XRCC4: variants seen among roughly 807,000 people sequenced by gnomAD.
XRCC4 encodes X-ray repair cross complementing 4.
XRCC4 carries 28 observed loss-of-function variants against 39.1 expected under a neutral mutation model. The observed-to-expected ratio is 0.72, with a 90% CI of 0.53 to 0.98. XRCC4 has a LOEUF of 0.98. Among genes scored for constraint, XRCC4 ranks in the 50% least tolerant of loss-of-function variants. The probability of loss-of-function intolerance (pLI) is 0.00; values close to 1 mark genes in which losing one functional copy is unlikely to be tolerated. For missense variants in XRCC4, 350 were observed against 376.4 expected (o/e 0.93, Z 0.58); for synonymous variants, 123 against 126.4 (o/e 0.97, Z 0.18).
In XRCC4 at chr5:83,178,508, C is replaced by T. The variant is rs527473909; in HGVS notation, c.316-17262C>T. 9.2e-5 allele frequency among the ~76,000 whole-genome samples: 14 copies of T among 152,154 alleles called. No individual in the cohort carries two copies. In the South Asian group the frequency reaches 2.9e-3, roughly 32 times the overall value. On this transcript the variant is annotated intron_variant, in intron 3 of 7. Coordinates refer to ENST00000396027, the MANE Select transcript of XRCC4 (RefSeq NM_003401.5). ...AATGCGATAGATATAGGATGAAAAC[C>T]AGGCAAGTATGGTGTCAGAAGCCAA...
intron 6 of XRCC4, among the ~76,000 whole-genome samples, chr5:83,243,211 T>C (rs1752979854): frequency 6.6e-6 from 1 of 152,200 alleles, no homozygotes; most frequent in South Asian, 2.1e-4. Flanking sequence ...TTCATAATGA[T>C]AAAGAAGGTG....
intron 7 of XRCC4, chr5:83,258,931 G>A: frequency 2.6e-6 from 1 of 386,386 alleles, no homozygotes; most frequent in Non-Finnish European, 4.6e-6. Flanking sequence ...ATTAGAAATG[G>A]CATGTAGGAT....
rs1192298098 is a variant in XRCC4, at chr5:83,318,474, A to T, written c.894-34657A>T. The stretch of plus-strand genomic sequence containing the variant: ...GAAAACCCCATCGTCTCAGCCCAAA[A>T]TCTCCTTAAGCTGATAAGCAACTTC... On this transcript the variant is annotated intron_variant, in intron 7 of 7. Coordinates refer to ENST00000396027, the MANE Select transcript of XRCC4 (RefSeq NM_003401.5). 8.9e-4 allele frequency among the ~76,000 whole-genome samples: 70 copies of T among 78,874 alleles called. 2 individuals carry two copies. The highest frequency in any genetic ancestry group is 4.8e-3 in the African/African-American group (63 of 13,082). The allele number at this position is 78,874 out of a possible 152,430, so 51.7% of individuals were successfully genotyped here.
At chr5:83,142,440 A>C (rs182673538) in intron 3 of XRCC4, among the ~76,000 whole-genome samples, 3 of 152,366 alleles carry the variant, frequency 2.0e-5, no homozygotes, top group Admixed American at 2.0e-4. Flanking sequence ...ACTAATTACA[A>C]TACTATATAT....
At chr5:83,236,620 A>C (rs777719548) in intron 6 of XRCC4, among the ~76,000 whole-genome samples, 1 of 152,146 alleles carries the variant, frequency 6.6e-6, no homozygotes, top group Non-Finnish European at 1.5e-5. Context: ...GTAGAAGAAA[A>C]CATTGAAGGG....
At chr5:83,331,179 C>T (rs1756427600) in intron 7 of XRCC4, among the ~76,000 whole-genome samples, 1 of 152,008 alleles carries the variant, frequency 6.6e-6, no homozygotes, top group Non-Finnish European at 1.5e-5. Flanking sequence ...AGAAAAACTA[C>T]TCCAAAAAGT....
At position 83,222,953 on chromosome 5, in the gene XRCC4, G is replaced by A. The variant is rs112290101; in HGVS notation, c.745+18032G>A. 4.5e-3 allele frequency among the ~76,000 whole-genome samples: 681 copies of A among 152,150 alleles called. 2 individuals carry two copies. Among genetic ancestry groups the A allele is most frequent in the African/African-American group, 0.016 (650 of 41,520 alleles). On this transcript the variant is annotated intron_variant, in intron 6 of 7. Transcript: ENST00000396027. ...TGTAGAGATGAGATTTTGCCATGTT[G>A]CTTAGGCTGGTCTTGAGTTCCTGAG...
At chr5:83,093,739 A>G (rs1269805357) in intron 1 of XRCC4, among the ~76,000 whole-genome samples, 3 of 152,158 alleles carry the variant, frequency 2.0e-5, no homozygotes, top group Non-Finnish European at 4.4e-5. Context: ...TAAAAGGGAA[A>G]TTAAAAAATA....
At chr5:83,349,856 A>G (rs531475782) in intron 7 of XRCC4, among the ~76,000 whole-genome samples, 15 of 152,144 alleles carry the variant, frequency 9.9e-5, no homozygotes, top group Admixed American at 2.0e-4. Flanking sequence ...TAGGGATCTC[A>G]TCACCCAAGT....
At chr5:83,190,381 A>C (rs939618594) in intron 3 of XRCC4, among the ~76,000 whole-genome samples, 1 of 152,188 alleles carries the variant, frequency 6.6e-6, no homozygotes, top group African/African-American at 2.4e-5. Context: ...TTTAGTATAC[A>C]TATATCTTGA....
intron 6 of XRCC4, among the ~76,000 whole-genome samples, chr5:83,231,592 T>C (rs995890323): frequency 6.6e-6 from 1 of 152,126 alleles, no homozygotes; most frequent in African/African-American, 2.4e-5. Flanking sequence ...TGGACTCTTA[T>C]CGTTATTATC....
intron 6 of XRCC4, among the ~76,000 whole-genome samples, chr5:83,215,236 G>T (rs751124683): frequency 2.8e-4 from 42 of 152,062 alleles, no homozygotes; most frequent in Non-Finnish European, 2.6e-4. Context: ...CTAGTTGGGA[G>T]GCTGAGACAG....
chr5:83,257,355 AC>A (rs1449112220), intron 6 of XRCC4, among the ~76,000 whole-genome samples: 6 of 149,904 alleles, frequency 4.0e-5, no homozygotes, highest in African/African-American at 1.3e-4. Flanking sequence ...AAAAAAAAAA[AC>A]CCATTAAAAA....
intron 7 of XRCC4, among the ~76,000 whole-genome samples, chr5:83,296,857 TGA>T (rs75241802): frequency 0.048 from 7,223 of 151,968 alleles, 238 homozygotes; most frequent in South Asian, 0.15. Context: ...CCAATATATT[TGA>T]GTCTAAACAG....
intron 1 of XRCC4, among the ~76,000 whole-genome samples, chr5:83,099,891 G>A (rs1481944039): frequency 6.6e-6 from 1 of 152,068 alleles, no homozygotes; most frequent in African/African-American, 2.4e-5. Context: ...TTACAGGGCT[G>A]GTGAAAGCAA....
At chr5:83,280,362 C>T in intron 7 of XRCC4, 1 of 502,166 alleles carries the variant, frequency 2.0e-6, no homozygotes, top group South Asian at 2.4e-5. Context: ...GCATTTCCTT[C>T]ATGTTTCTTG....
chr5:83,345,902 T>C (rs991514838), intron 7 of XRCC4, among the ~76,000 whole-genome samples: 3 of 152,184 alleles, frequency 2.0e-5, no homozygotes, highest in African/African-American at 7.2e-5. Context: ...ATCTATAATG[T>C]TCATAGTTAA....
intron 6 of XRCC4, among the ~76,000 whole-genome samples, chr5:83,241,234 C>A: frequency 7.3e-6 from 1 of 137,644 alleles, no homozygotes. Flanking sequence ...CAAAGTAAGA[C>A]TCTGTCAAAA....
intron 7 of XRCC4, among the ~76,000 whole-genome samples, chr5:83,271,096 G>C (rs1246562712): frequency 6.6e-6 from 1 of 152,070 alleles, no homozygotes; most frequent in Non-Finnish European, 1.5e-5. Flanking sequence ...GAAGTTTTCT[G>C]TTGGTTGAAG....
Sources: gnomAD v4.1 joint callset for allele counts (sites outside exome capture counted in the v4.1 genomes callset) on GRCh38, gnomAD v4.1.1 for gene constraint, MANE v1.5 for transcripts, NCBI Gene and HGNC (gene_info 2026-07-23, HGNC 2026-07-21) for gene names.